The following SLC22A17 variants were observed in gnomAD, a reference collection of about 807,000 sequenced individuals.
SLC22A17 encodes the protein solute carrier family 22 member 17, also known as 24p3 receptor.
A neutral mutation model predicts 53.6 loss-of-function variants in SLC22A17; 38 were observed. The ratio of observed to expected loss-of-function variants is 0.71; its 90% CI spans 0.55 to 0.93. The LOEUF (loss-of-function observed/expected upper bound fraction) is 0.93, where lower values mean the gene tolerates loss of function less well. Ranked by LOEUF, SLC22A17 falls within the 40% of genes least tolerant of loss-of-function variation. SLC22A17 has a pLI of 0.00. For missense variants in SLC22A17, 704 were observed against 791.0 expected (o/e 0.89, Z 1.32); for synonymous variants, 379 against 353.0 (o/e 1.07, Z -0.82).
chr14:23,348,982 G>A lies in SLC22A17; in HGVS notation c.859+290C>T, dbSNP rs1318214540. On this transcript the variant is annotated intron_variant, in intron 4 of 9. Coordinates refer to ENST00000397267, the Ensembl canonical transcript of SLC22A17. The surrounding 1 kb of genome is among the most constrained non-coding windows in gnomAD (Gnocchi z 4.5). ...ACCTTCACATCAACCCTTGTCCAAG[G>A]TCACACAGCTAGGGACAATCCTTGT... 2 of 591,398 alleles carry A rather than the reference G, an allele frequency of 3.4e-6. No homozygotes were observed. The highest frequency in any genetic ancestry group is 5.7e-5 in the East Asian group (2 of 35,304). 36.6% of individuals were successfully genotyped at this position (591,398 alleles called of 1,614,324 possible). A position where few individuals can be genotyped will look rare whatever the true frequency, so the allele number is the denominator to read the frequency against.
At position 23,348,756 on chromosome 14, in the gene SLC22A17, A is replaced by G. The variant is rs141081201; in HGVS notation, c.860-85T>C. 11 of 1,388,896 alleles carry G rather than the reference A, an allele frequency of 7.9e-6. No homozygotes were observed. Among genetic ancestry groups the G allele is most frequent in the African/African-American group, 1.4e-5 (1 of 69,136 alleles). 86.0% of individuals were successfully genotyped at this position (1,388,896 alleles called of 1,614,324 possible). A position where few individuals can be genotyped will look rare whatever the true frequency, so the allele number is the denominator to read the frequency against. Reference sequence around the variant, plus strand: ...AGAGAAGAAGAAAGAGGGAGGGAGGAGGACAGAGAGAGAGGTCAGACCCAG... The same window carrying G: ...AGAGAAGAAGAAAGAGGGAGGGAGGGGGACAGAGAGAGAGGTCAGACCCAG... On this transcript the variant is annotated intron_variant, in intron 4 of 9. Coordinates refer to ENST00000397267, the Ensembl canonical transcript of SLC22A17. This position sits in a 1 kb window ranked among gnomAD's most constrained non-coding sequence, Gnocchi z 4.5.
In SLC22A17 at chr14:23,347,950, A is replaced by G. The variant is rs75155247; in HGVS notation, c.1218T>C (p.Phe406=). 4.8e-4 allele frequency: 768 copies of G among 1,614,182 alleles called. 2 individuals carry two copies. In the African/African-American group the frequency reaches 7.4e-3, roughly 16 times the overall value. Reference sequence around the variant, plus strand: ...TGTTGCGGTAGTTGAGGAGGGAAGCAAAGGAAAAGGAGGATGTTGCAGGGA... The same window carrying G: ...TGTTGCGGTAGTTGAGGAGGGAAGCGAAGGAAAAGGAGGATGTTGCAGGGA... The change falls in exon 7 of 10, where the codon TTT becomes TTC. Residue 406 remains phenylalanine (F), a synonymous_variant. Coordinates refer to ENST00000397267, the Ensembl canonical transcript of SLC22A17. The surrounding 1 kb of genome is among the most constrained non-coding windows in gnomAD (Gnocchi z 5.1).
At position 23,347,238 on chromosome 14, in the gene SLC22A17, A is replaced by G. The variant is rs914363201; in HGVS notation, c.1550-26T>C. Reference sequence around the variant, plus strand: ...CTGCAGAAGCAAGAGGGATGATATGAATGCAGGTGGGGAGGTCAAGGCTGG... The same window carrying G: ...CTGCAGAAGCAAGAGGGATGATATGGATGCAGGTGGGGAGGTCAAGGCTGG... On this transcript the variant is annotated intron_variant, in intron 8 of 9. Transcript: ENST00000397267. The surrounding 1 kb of genome is among the most constrained non-coding windows in gnomAD (Gnocchi z 5.1). 1.3e-6 allele frequency: 2 copies of G among 1,596,524 alleles called. No individual in the cohort carries two copies. The highest frequency in any genetic ancestry group is 1.7e-6 in the Non-Finnish European group (2 of 1,168,192).
At chr14:23,349,908 C>T in intron 3 of SLC22A17, 1 of 170,196 alleles carries the variant, frequency 5.9e-6, no homozygotes, top group South Asian at 1.5e-4. Flanking sequence ...GAGGATACTA[C>T]TGGTCAGTGA....
chr14:23,351,580 A>T, intron 3 of SLC22A17, 172 bp downstream of exon 3: 1 of 595,590 alleles, frequency 1.7e-6, no homozygotes, highest in Non-Finnish European at 3.0e-6. Context: ...GGGAAGGGGT[A>T]TTTCTTGATG....
chr14:23,346,730 C>T (rs763448901), exon 10 of SLC22A17: 4 of 1,544,354 alleles, frequency 2.6e-6, no homozygotes, highest in Non-Finnish European at 2.6e-6. Context: ...GGAAGGCCGG[C>T]GACACAGCTC....
chr14:23,348,859 T>C lies in SLC22A17; in HGVS notation c.860-188A>G. On this transcript the variant is annotated intron_variant, in intron 4 of 9. Coordinates refer to ENST00000397267, the Ensembl canonical transcript of SLC22A17. This position sits in a 1 kb window ranked among gnomAD's most constrained non-coding sequence, Gnocchi z 4.5. ...GGGGAGACTGTTCAGCCCTCTCTCC[T>C]CTCCTGCTCAAACCTAGGAGGGCTC... The C allele has an allele frequency of 1.5e-6, 1 of 645,566 alleles. No individual in the cohort carries two copies. The highest frequency in any genetic ancestry group is 2.0e-5 in the South Asian group (1 of 49,302). The allele number at this position is 645,566 out of a possible 1,614,324, so 40.0% of individuals were successfully genotyped here.
At position 23,348,771 on chromosome 14, in the gene SLC22A17, G is replaced by A. The variant is rs1022661829; in HGVS notation, c.860-100C>T. 2.3e-6 allele frequency: 3 copies of A among 1,278,634 alleles called. No individual in the cohort carries two copies. The highest frequency in any genetic ancestry group is 1.5e-5 in the South Asian group (1 of 66,186). The allele number at this position is 1,278,634 out of a possible 1,614,324, so 79.2% of individuals were successfully genotyped here. Reference sequence around the variant, plus strand: ...GGGAGGGAGGAGGACAGAGAGAGAGGTCAGACCCAGAGTGGAGGCTGCAGC... The same window carrying A: ...GGGAGGGAGGAGGACAGAGAGAGAGATCAGACCCAGAGTGGAGGCTGCAGC... On this transcript the variant is annotated intron_variant, in intron 4 of 9. Transcript: ENST00000397267. The surrounding 1 kb of genome is among the most constrained non-coding windows in gnomAD (Gnocchi z 4.5).
At chr14:23,349,144 C>T (rs377495145) in intron 4 of SLC22A17, 128 bp downstream of exon 4, 1 of 1,239,606 alleles carries the variant, frequency 8.1e-7, no homozygotes. Context: ...TCAAGGGGGC[C>T]TGGGCAGAAA....
At chr14:23,349,624 G>T in intron 3 of SLC22A17, 198 bp from the exon 4 acceptor site, 1 of 622,778 alleles carries the variant, frequency 1.6e-6, no homozygotes, top group Non-Finnish European at 2.8e-6. Flanking sequence ...ACTGGGGTGT[G>T]GTTGTGGTTC....
Position 23,352,676 on chromosome 14 carries a change from G to A in SLC22A17, c.66C>T (p.Asn22=). The A allele has an allele frequency of 2.5e-6, 1 of 398,786 alleles. No individual in the cohort carries two copies. The highest frequency in any genetic ancestry group is 4.4e-6 in the Non-Finnish European group (1 of 226,030). 24.7% of individuals were successfully genotyped at this position (398,786 alleles called of 1,614,324 possible). A position where few individuals can be genotyped will look rare whatever the true frequency, so the allele number is the denominator to read the frequency against. Residue 22 remains asparagine, a synonymous_variant, in exon 1 of 10, where the codon AAC becomes AAT. Coordinates refer to ENST00000397267, the Ensembl canonical transcript of SLC22A17. This position sits in a 1 kb window ranked among gnomAD's most constrained non-coding sequence, Gnocchi z 7.2. ...TGGAGGTGGGGGTGATCTCTACAGT[G>A]TTGTCGATTTTGCCGCCGCCCCCGC...
rs769395652 is a variant in SLC22A17, at chr14:23,348,260, G to A, written c.1072C>T (p.Arg358Trp). 8.7e-6 allele frequency: 14 copies of A among 1,614,010 alleles called. No homozygotes were observed. The highest frequency in any genetic ancestry group is 5.3e-5 in the African/African-American group (4 of 74,932). ...ACAGACTGAGCCTCCTCAATCTGCC[G>A]CTTCACTATCAGCCACCGTGCGGAC... is the stretch of plus-strand genomic sequence containing the variant. Residue 358 changes from arginine (R) to tryptophan (W), a missense_variant, in exon 6 of 10, where the codon CGG (arginine) becomes TGG (tryptophan). Arg to Trp is a moderately radical substitution (Grantham distance 101, BLOSUM62 -3). Transcript: ENST00000397267. The surrounding 1 kb of genome is among the most constrained non-coding windows in gnomAD (Gnocchi z 4.5).
exon 2 of SLC22A17, chr14:23,351,980 G>A: frequency 6.2e-7 from 1 of 1,612,924 alleles, no homozygotes; most frequent in Non-Finnish European, 8.5e-7. Context: ...AGCACAGGAA[G>A]GCCATTATAG....
chr14:23,348,923 T>G lies in SLC22A17; in HGVS notation c.860-252A>C. The stretch of plus-strand genomic sequence containing the variant: ...CTGGGTGAGTGTTCAACATTTCCAA[T>G]TTATAGGCCCTTTCCCATCAGGCCT... On this transcript the variant is annotated intron_variant, in intron 4 of 9. Coordinates refer to ENST00000397267, the Ensembl canonical transcript of SLC22A17. This position sits in a 1 kb window ranked among gnomAD's most constrained non-coding sequence, Gnocchi z 4.5. 1.7e-6 allele frequency: 1 copy of G among 594,332 alleles called. No homozygotes were observed. Among genetic ancestry groups the G allele is most frequent in the South Asian group, 2.1e-5 (1 of 47,754 alleles). The allele number at this position is 594,332 out of a possible 1,614,324, so 36.8% of individuals were successfully genotyped here.
chr14:23,346,931 C>A (rs772879735), exon 10 of SLC22A17: 1 of 1,532,978 alleles, frequency 6.5e-7, no homozygotes, highest in Admixed American at 2.0e-5. Flanking sequence ...GCCCAGGCCA[C>A]GGCCCCTGGG....
chr14:23,346,746 C>T, exon 10 of SLC22A17: 1 of 1,545,206 alleles, frequency 6.5e-7, no homozygotes. Flanking sequence ...AGCTCCCCGT[C>T]CCGGAGCACC....
Position 23,351,661 on chromosome 14 carries a change from G to C in SLC22A17, c.704+91C>G, listed in dbSNP as rs905302271. 5.7e-6 allele frequency: 6 copies of C among 1,057,752 alleles called. No individual in the cohort carries two copies. The African/African-American group carries it at 9.7e-5, about 17-fold the overall frequency. 65.5% of individuals were successfully genotyped at this position (1,057,752 alleles called of 1,614,324 possible). On this transcript the variant is annotated intron_variant, in intron 3 of 9. Transcript: ENST00000397267. ...AGAAGACTGCAGAGTCCAGCGAATCGTCTTCGACCTCCTGTAAACGCCCGC... is the reference window on the plus strand; with the variant it reads ...AGAAGACTGCAGAGTCCAGCGAATCCTCTTCGACCTCCTGTAAACGCCCGC...
At chr14:23,351,831 A>G (rs746461323) in exon 3 of SLC22A17, 3 of 1,613,664 alleles carry the variant, frequency 1.9e-6, no homozygotes, top group Non-Finnish European at 1.7e-6. Flanking sequence ...ATCACCTGCC[A>G]GCCCAGGTCA....
Position 23,348,511 on chromosome 14 carries a change from A to G in SLC22A17, c.1020T>C (p.Phe340=). 2 of 1,613,648 alleles carry G rather than the reference A, an allele frequency of 1.2e-6. No homozygotes were observed. Among genetic ancestry groups the G allele is most frequent in the Non-Finnish European group, 1.7e-6 (2 of 1,179,744 alleles). ...AGGTGAAGGGTAATACTGACCCATA[A>G]AACAGGAAGAGGATGCAGGGAGCGG... Residue 340 remains phenylalanine (F), a synonymous_variant, in exon 5 of 10, where the codon TTT becomes TTC. Transcript: ENST00000397267. This position sits in a 1 kb window ranked among gnomAD's most constrained non-coding sequence, Gnocchi z 4.5.
Sources: allele counts gnomAD v4.1 joint callset, GRCh38; gene constraint gnomAD v4.1.1; non-coding constraint Gnocchi (gnomAD v3.1); transcripts MANE v1.5; gene names NCBI Gene and HGNC (gene_info 2026-07-23, HGNC 2026-07-21).